The following MAP1B variants were observed in gnomAD, a reference collection of about 807,000 sequenced individuals.
MAP1B encodes microtubule associated protein 1B, also known as microtubule-associated protein 1B.
Under a neutral mutation model 176.1 loss-of-function variants are expected in MAP1B, and 12 were observed. The ratio of observed to expected loss-of-function variants is 0.07; its 90% CI spans 0.04 to 0.11. The LOEUF (loss-of-function observed/expected upper bound fraction) is 0.11, where lower values mean the gene tolerates loss of function less well. MAP1B is among the 10% of genes least tolerant of loss of function. MAP1B has a pLI of 1.00. For synonymous variants in MAP1B, 1,044 were observed against 1,135.0 expected, an observed-to-expected ratio of 0.92 and a Z score of 1.61; for missense variants, 2,523 against 2,990.5, an observed-to-expected ratio of 0.84 and a Z score of 3.65.
At chr5:72,108,290 GC>G (rs1004326423) in intron 1 of MAP1B, among the ~76,000 whole-genome samples, 45 of 143,824 alleles carry the variant, frequency 3.1e-4, no homozygotes, top group Non-Finnish European at 4.7e-4. Context: ...CGCTCCCCCC[GC>G]CCCCCCCTCC....
intron 2 of MAP1B, among the ~76,000 whole-genome samples, chr5:72,163,224 T>C (rs1746358918): frequency 2.0e-5 from 1 of 50,628 alleles, no homozygotes; most frequent in African/African-American, 6.7e-5. Flanking sequence ...TGAGACTCCA[T>C]CTCAAAAAAA....
At chr5:72,116,457 A>C (rs1479981942) in intron 2 of MAP1B, 10 of 421,258 alleles carry the variant, frequency 2.4e-5, no homozygotes, top group Non-Finnish European at 4.6e-5. Flanking sequence ...ATTAAAGGTA[A>C]GGATGCAAAA....
At chr5:72,114,856 G>C (rs1487393428) in intron 1 of MAP1B, among the ~76,000 whole-genome samples, 1 of 152,188 alleles carries the variant, frequency 6.6e-6, no homozygotes, top group Admixed American at 6.5e-5. Flanking sequence ...ATTCCTTTCA[G>C]CCTAGGGAAA....
At chr5:72,135,185 C>T (rs1745815092) in intron 2 of MAP1B, among the ~76,000 whole-genome samples, 1 of 151,988 alleles carries the variant, frequency 6.6e-6, no homozygotes, top group Non-Finnish European at 1.5e-5. Flanking sequence ...CTGGCTTTTA[C>T]TGGGCTATGT....
chr5:72,122,339 C>A (rs956501482), intron 2 of MAP1B, among the ~76,000 whole-genome samples: 5 of 152,100 alleles, frequency 3.3e-5, no homozygotes, highest in Non-Finnish European at 7.3e-5. Flanking sequence ...AGCCCAGTCA[C>A]CCCCACCTGC....
chr5:72,115,376 C>T (rs1745414145), intron 1 of MAP1B, among the ~76,000 whole-genome samples: 1 of 152,182 alleles, frequency 6.6e-6, no homozygotes, highest in Non-Finnish European at 1.5e-5. Context: ...CATCTTCCTG[C>T]CCTTTCTAGT....
intron 2 of MAP1B, among the ~76,000 whole-genome samples, chr5:72,173,915 C>G (rs943370772): frequency 6.6e-6 from 1 of 152,100 alleles, no homozygotes; most frequent in African/African-American, 2.4e-5. Flanking sequence ...ATTGCTTCAG[C>G]CCAGTAGTTC....
chr5:72,129,373 T>G (rs918633940), intron 2 of MAP1B, among the ~76,000 whole-genome samples: 11 of 152,144 alleles, frequency 7.2e-5, no homozygotes, highest in Non-Finnish European at 1.5e-4. Flanking sequence ...CTGGCCAACA[T>G]GGCGAAACCC....
In MAP1B at chr5:72,195,919, A is replaced by G. The variant is rs775712044; in HGVS notation, c.2564A>G (p.Lys855Arg). Reference sequence around the variant, plus strand: ...GAGGTCGATGTAACAAAGGACATCAAGCCTCAGCTGGAGCTAATCGAAGAC... The same window carrying G: ...GAGGTCGATGTAACAAAGGACATCAGGCCTCAGCTGGAGCTAATCGAAGAC... The part of the protein sequence containing the change: ...AEEVDVTKDI[K>R]PQLELIEDEE... The change falls in exon 5 of 7, where the codon AAG becomes AGG. Residue 855 changes from lysine (K) to arginine (R), a missense_variant. Physicochemically the swap from Lys to Arg is conservative, Grantham distance 26 (BLOSUM62 2). Coordinates refer to ENST00000296755, the MANE Select transcript of MAP1B (RefSeq NM_005909.5). 1 of 1,614,274 alleles carries G rather than the reference A, an allele frequency of 6.2e-7. No homozygotes were observed. The highest frequency in any genetic ancestry group is 2.2e-5 in the East Asian group (1 of 44,886).
At chr5:72,168,004 G>C (rs1401429387) in intron 2 of MAP1B, among the ~76,000 whole-genome samples, 1 of 152,286 alleles carries the variant, frequency 6.6e-6, no homozygotes, top group East Asian at 1.9e-4. Context: ...AGGGATAGCT[G>C]ACGCACGGAA....
At position 72,198,223 on chromosome 5, in the gene MAP1B, A is replaced by T. The variant is rs777451963; in HGVS notation, c.4868A>T (p.Asp1623Val). Residue 1623 changes from aspartate (D) to valine (V), a missense_variant, in exon 5 of 7, where the codon GAT (aspartate) becomes GTT (valine). Asp to Val is a radical substitution (Grantham distance 152). Transcript: ENST00000296755. ...AGACCGATGTCAATTTCTCCACCAG[A>T]TTTCTCCCCTAAAACTGCAAAGTCC... The part of the protein sequence containing the change: ...CPRPMSISPP[D>V]FSPKTAKSRT... The T allele has an allele frequency of 6.2e-7, 1 of 1,614,130 alleles. No homozygotes were observed. The highest frequency in any genetic ancestry group is 8.5e-7 in the Non-Finnish European group (1 of 1,180,004).
intron 2 of MAP1B, among the ~76,000 whole-genome samples, chr5:72,172,628 T>A (rs1157354991): frequency 6.6e-6 from 1 of 152,234 alleles, no homozygotes; most frequent in Non-Finnish European, 1.5e-5. Flanking sequence ...GATAAACCTG[T>A]CAAGTGACTC....
chr5:72,163,109 T>A (rs2112182498), intron 2 of MAP1B, among the ~76,000 whole-genome samples: 1 of 151,136 alleles, frequency 6.6e-6, no homozygotes, highest in African/African-American at 2.4e-5. Flanking sequence ...GTGCCTATAG[T>A]CCCAGCTACT....
At position 72,145,846 on chromosome 5, in the gene MAP1B, T is replaced by C. The variant is rs945608946; in HGVS notation, c.286+30047T>C. Among the ~76,000 whole-genome samples, 34 of 152,226 alleles carry C rather than the reference T, an allele frequency of 2.2e-4. 2 individuals are homozygous for C. Among genetic ancestry groups the C allele is most frequent in the Admixed American group, 2.2e-3 (34 of 15,282 alleles). ...TTTTAGAAATGTCATTTATTTATCATGCATGAAGCATGACATATTGTTCCA... is the reference window on the plus strand; with the variant it reads ...TTTTAGAAATGTCATTTATTTATCACGCATGAAGCATGACATATTGTTCCA... On this transcript the variant is annotated intron_variant, in intron 2 of 6. Coordinates refer to ENST00000296755, the MANE Select transcript of MAP1B (RefSeq NM_005909.5).
chr5:72,162,005 A>G (rs925079822), intron 2 of MAP1B, among the ~76,000 whole-genome samples: 2 of 151,608 alleles, frequency 1.3e-5, no homozygotes, highest in Non-Finnish European at 2.9e-5. Flanking sequence ...AAAGAAAAAA[A>G]CAGAATTGAC....
intron 2 of MAP1B, among the ~76,000 whole-genome samples, chr5:72,139,254 A>T (rs1685509202): frequency 6.6e-6 from 1 of 152,204 alleles, no homozygotes; most frequent in African/African-American, 2.4e-5. Context: ...TATGATCTCC[A>T]GTTCTGGTAA....
At chr5:72,172,747 A>G (rs1030095205) in intron 2 of MAP1B, among the ~76,000 whole-genome samples, 1 of 152,222 alleles carries the variant, frequency 6.6e-6, no homozygotes, top group Non-Finnish European at 1.5e-5. Context: ...AGGAATACAT[A>G]AAAATCATGT....
At chr5:72,164,287 G>C (rs915526719) in intron 2 of MAP1B, among the ~76,000 whole-genome samples, 12 of 151,982 alleles carry the variant, frequency 7.9e-5, no homozygotes, top group Admixed American at 4.6e-4. Flanking sequence ...TGGTTCCCAG[G>C]GTTTTCACAA....
chr5:72,111,961 GA>G (rs755703194), intron 1 of MAP1B, among the ~76,000 whole-genome samples: 1 of 151,622 alleles, frequency 6.6e-6, no homozygotes, highest in Non-Finnish European at 1.5e-5. Context: ...TTTAAAAAAA[GA>G]AAAAAAGCAA....
Sources: allele counts gnomAD v4.1 joint callset (sites outside exome capture counted in the v4.1 genomes callset), GRCh38; gene constraint gnomAD v4.1.1; transcripts MANE v1.5; gene names NCBI Gene and HGNC (gene_info 2026-07-23, HGNC 2026-07-21).